The following EHBP1 variants were observed in gnomAD, a reference collection of about 807,000 sequenced individuals.
EHBP1 encodes EH domain binding protein 1, also known as EH domain-binding protein 1.
EHBP1 carries 55 observed loss-of-function variants against 144.0 expected under a neutral mutation model. The observed-to-expected ratio is 0.38, with a 90% CI of 0.31 to 0.48. The LOEUF (loss-of-function observed/expected upper bound fraction) is 0.48, where lower values mean the gene tolerates loss of function less well. Ranked by LOEUF, EHBP1 falls within the 20% of genes least tolerant of loss-of-function variation. The pLI is 0.98. For missense variants in EHBP1, 1,200 were observed against 1,364.2 expected, an observed-to-expected ratio of 0.88 and a Z score of 1.90; for synonymous variants, 469 against 472.7, an observed-to-expected ratio of 0.99 and a Z score of 0.10.
At chr2:62,963,708 TA>T (rs1161229945) in intron 14 of EHBP1, among the ~76,000 whole-genome samples, 1 of 152,206 alleles carries the variant, frequency 6.6e-6, no homozygotes, top group South Asian at 2.1e-4. Context: ...TATCACTTAT[TA>T]AAAAATCTAA....
At chr2:62,878,849 CT>C (rs2051118963) in intron 10 of EHBP1, among the ~76,000 whole-genome samples, 1 of 151,834 alleles carries the variant, frequency 6.6e-6, no homozygotes, top group African/African-American at 2.4e-5. Context: ...ATTTCACCGT[CT>C]CTACTAAAAA....
chr2:62,939,882 C>G (rs1301776756), intron 10 of EHBP1: 1 of 181,766 alleles, frequency 5.5e-6, no homozygotes, highest in Non-Finnish European at 1.2e-5. Flanking sequence ...GGCTCCTACT[C>G]CTGACTCATG....
intron 2 of EHBP1, among the ~76,000 whole-genome samples, chr2:62,728,724 T>G (rs2037092070): frequency 6.6e-6 from 1 of 152,130 alleles, no homozygotes; most frequent in Non-Finnish European, 1.5e-5. Context: ...AAAAAAGGGC[T>G]TAATTTTCAT....
chr2:62,809,484 TTTTTTTG>T (rs1056662883), intron 5 of EHBP1, among the ~76,000 whole-genome samples: 8 of 151,646 alleles, frequency 5.3e-5, no homozygotes, highest in Non-Finnish European at 1.0e-4. Context: ...CCCCCTGGAG[TTTTTTTG>T]TTTTTTGTTT....
chr2:62,868,314 G>A (rs1020130406), intron 9 of EHBP1, among the ~76,000 whole-genome samples: 1 of 152,100 alleles, frequency 6.6e-6, no homozygotes, highest in Non-Finnish European at 1.5e-5. Context: ...GAGAAGTGGA[G>A]GTTACAGTGA....
At chr2:62,928,000 C>T (rs1471466380) in intron 10 of EHBP1, among the ~76,000 whole-genome samples, 1 of 151,804 alleles carries the variant, frequency 6.6e-6, no homozygotes. Context: ...TGTAAATAAA[C>T]AATGGATCAA....
chr2:62,697,645 C>G (rs765499167), intron 1 of EHBP1, among the ~76,000 whole-genome samples: 10 of 152,100 alleles, frequency 6.6e-5, no homozygotes, highest in Non-Finnish European at 1.3e-4. Context: ...TGCTGCATTC[C>G]CAATACCTAC....
intron 5 of EHBP1, among the ~76,000 whole-genome samples, chr2:62,823,626 A>G (rs2046143402): frequency 6.6e-6 from 1 of 152,096 alleles, no homozygotes; most frequent in African/African-American, 2.4e-5. Flanking sequence ...TGGTGGTTAT[A>G]AAGAACAAAA....
At chr2:62,708,404 G>A (rs1004490419) in intron 2 of EHBP1, among the ~76,000 whole-genome samples, 1 of 152,168 alleles carries the variant, frequency 6.6e-6, no homozygotes, top group Non-Finnish European at 1.5e-5. Context: ...AGAGTCACAT[G>A]AATAAATTCA....
At chr2:63,006,057 C>A (rs2060023836) in intron 19 of EHBP1, among the ~76,000 whole-genome samples, 1 of 151,824 alleles carries the variant, frequency 6.6e-6, no homozygotes, top group Non-Finnish European at 1.5e-5. Flanking sequence ...CTAGATCATC[C>A]CACCAGCCAG....
At chr2:63,039,758 G>A (rs1339645736) in intron 21 of EHBP1, among the ~76,000 whole-genome samples, 1 of 152,078 alleles carries the variant, frequency 6.6e-6, no homozygotes, top group Non-Finnish European at 1.5e-5. Flanking sequence ...TCACCAAAGT[G>A]CATGCTATTT....
At chr2:62,906,438 C>T (rs1310042915) in intron 10 of EHBP1, among the ~76,000 whole-genome samples, 1 of 152,150 alleles carries the variant, frequency 6.6e-6, no homozygotes, top group Non-Finnish European at 1.5e-5. Context: ...AGATCCTTTG[C>T]ATTTCCATAT....
chr2:62,768,790 G>A (rs781485428), intron 4 of EHBP1, among the ~76,000 whole-genome samples: 1 of 152,104 alleles, frequency 6.6e-6, no homozygotes, highest in Non-Finnish European at 1.5e-5. Context: ...ACTGATACTA[G>A]CAGCACATCA....
At position 62,707,105 on chromosome 2, in the gene EHBP1, G is replaced by A. The variant is rs2034667352; in HGVS notation, c.-87G>A. On this transcript the variant is annotated 5_prime_UTR_variant, in exon 2 of 23. The change abolishes an upstream ATG in the 5' untranslated region. Transcript: ENST00000431489. The stretch of plus-strand genomic sequence containing the variant: ...AGTTGAGTTTTTAAAAGACATACAT[G>A]CAAAGTTCCTTTGCTTTGGACCCTC... 2 of 1,005,896 alleles carry A rather than the reference G, an allele frequency of 2.0e-6. No individual in the cohort carries two copies. Among genetic ancestry groups the A allele is most frequent in the Non-Finnish European group, 1.6e-6 (1 of 635,972 alleles). The allele number at this position is 1,005,896 out of a possible 1,614,324, so 62.3% of individuals were successfully genotyped here.
intron 15 of EHBP1, among the ~76,000 whole-genome samples, chr2:62,987,488 A>G (rs967612860): frequency 3.3e-5 from 5 of 152,184 alleles, no homozygotes; most frequent in African/African-American, 4.8e-5. Flanking sequence ...CATGAAAATG[A>G]CAAATATATA....
At chr2:62,795,850 G>T (rs987857228) in intron 5 of EHBP1, among the ~76,000 whole-genome samples, 3 of 151,800 alleles carry the variant, frequency 2.0e-5, no homozygotes, top group African/African-American at 4.8e-5. Context: ...ATAGCCTGAA[G>T]AAAAAATTTT....
At chr2:62,693,682 T>C (rs1207551577) in intron 1 of EHBP1, among the ~76,000 whole-genome samples, 1 of 152,204 alleles carries the variant, frequency 6.6e-6, no homozygotes, top group Admixed American at 6.5e-5. Flanking sequence ...TTCTTAACTA[T>C]AGTCACCCTA....
At chr2:62,777,379 A>G (rs2042119021) in intron 5 of EHBP1, among the ~76,000 whole-genome samples, 1 of 150,560 alleles carries the variant, frequency 6.6e-6, no homozygotes, top group Non-Finnish European at 1.5e-5. Context: ...GAATCCATTC[A>G]TTAATTTATT....
intron 19 of EHBP1, among the ~76,000 whole-genome samples, chr2:63,036,428 G>A (rs1228593245): frequency 2.6e-5 from 4 of 151,954 alleles, no homozygotes; most frequent in Admixed American, 2.6e-4. Context: ...GGAAGTGTGG[G>A]GTTGGTGGAA....
Sources: allele counts gnomAD v4.1 joint callset (sites outside exome capture counted in the v4.1 genomes callset), GRCh38; gene constraint gnomAD v4.1.1; transcripts MANE v1.5; gene names NCBI Gene and HGNC (gene_info 2026-07-23, HGNC 2026-07-21).